C12orf56: variants seen among roughly 807,000 people sequenced by gnomAD.
C12orf56 encodes the protein uncharacterized protein C12orf56.
C12orf56 carries 71 observed loss-of-function variants against 69.9 expected under a neutral mutation model. The ratio of observed to expected loss-of-function variants is 1.02; its 90% CI spans 0.84 to 1.24. The LOEUF (loss-of-function observed/expected upper bound fraction) is 1.24, where lower values mean the gene tolerates loss of function less well. C12orf56 is among the 50% of genes most tolerant of loss of function. C12orf56 has a pLI of 0.00. For missense variants in C12orf56, 732 were observed against 738.5 expected, an observed-to-expected ratio of 0.99 and a Z score of 0.10; for synonymous variants, 276 against 274.1, an observed-to-expected ratio of 1.01 and a Z score of -0.07.
At chr12:64,340,876 T>C (rs1592468691) in intron 2 of C12orf56, among the ~76,000 whole-genome samples, 1 of 152,310 alleles carries the variant, frequency 6.6e-6, no homozygotes, top group East Asian at 1.9e-4. Context: ...CCTTCATTCA[T>C]GAAGGGTCTG....
chr12:64,275,016 T>C, intron 10 of C12orf56, 41 bp from the exon 11 acceptor site: 2 of 1,497,094 alleles, frequency 1.3e-6, no homozygotes, highest in Non-Finnish European at 1.9e-6. Flanking sequence ...ATTCATAAAG[T>C]TCAAGTAGTA....
chr12:64,281,650 G>C (rs2038130640), intron 8 of C12orf56, among the ~76,000 whole-genome samples: 1 of 152,170 alleles, frequency 6.6e-6, no homozygotes, highest in South Asian at 2.1e-4. Flanking sequence ...TGGGGCACAT[G>C]ATTTGACCCT....
At chr12:64,341,294 A>C (rs1399890306) in intron 2 of C12orf56, among the ~76,000 whole-genome samples, 1 of 152,128 alleles carries the variant, frequency 6.6e-6, no homozygotes. Context: ...GAGTGGTGCC[A>C]CTTCCGCTTC....
chr12:64,365,289 C>T (rs1167835798), intron 1 of C12orf56, among the ~76,000 whole-genome samples: 3 of 151,362 alleles, frequency 2.0e-5, no homozygotes, highest in African/African-American at 7.3e-5. Flanking sequence ...TTCAGCCTCC[C>T]GAGTAACTGG....
chr12:64,356,183 A>AC (rs1303648346), intron 1 of C12orf56, among the ~76,000 whole-genome samples: 46 of 151,128 alleles, frequency 3.0e-4, no homozygotes, highest in Middle Eastern at 3.4e-3. Context: ...AAAAAAAAAA[A>AC]AAAAAAAAAA....
In C12orf56 at chr12:64,318,838, TTGTTGGTGCAGAC is replaced by T; in HGVS notation, c.618_630del (p.Ser207LeufsTer26). Reference sequence around the variant, plus strand: ...GATGGCTCGCTGACAGCCTTGCCAGTTGTTGGTGCAGACTGAGAGCTCCTCCTGGAGGGGGAAG... The same window carrying T: ...GATGGCTCGCTGACAGCCTTGCCAGTTGAGAGCTCCTCCTGGAGGGGGAAG... On this transcript the variant is annotated frameshift_variant, in exon 4 of 13. Coordinates refer to ENST00000543942, the MANE Select transcript of C12orf56 (RefSeq NM_001170633.2). LOFTEE classifies it high-confidence loss of function. 6.5e-7 allele frequency: 1 copy of T among 1,537,216 alleles called. No homozygotes were observed. The highest frequency in any genetic ancestry group is 1.2e-5 in the South Asian group (1 of 84,058).
intron 1 of C12orf56, among the ~76,000 whole-genome samples, chr12:64,387,523 A>G (rs933071444): frequency 2.0e-5 from 3 of 152,236 alleles, no homozygotes; most frequent in African/African-American, 7.2e-5. Flanking sequence ...AAAAAAAACA[A>G]AACAAAAAAA....
intron 5 of C12orf56, among the ~76,000 whole-genome samples, chr12:64,304,654 A>G (rs960487692): frequency 2.6e-5 from 4 of 152,114 alleles, no homozygotes; most frequent in African/African-American, 9.7e-5. Flanking sequence ...CGGGTTAAAT[A>G]TTGTTTCCCC....
chr12:64,327,528 G>A (rs2038860430), intron 3 of C12orf56, among the ~76,000 whole-genome samples: 1 of 152,164 alleles, frequency 6.6e-6, no homozygotes, highest in South Asian at 2.1e-4. Flanking sequence ...ACAATAAATG[G>A]GGAGCATTAT....
At chr12:64,375,659 A>G (rs1376136980) in intron 1 of C12orf56, among the ~76,000 whole-genome samples, 1 of 152,196 alleles carries the variant, frequency 6.6e-6, no homozygotes, top group Non-Finnish European at 1.5e-5. Context: ...AACTACACAA[A>G]AAGTTTTGGA....
At chr12:64,384,482 A>G (rs1052698834) in intron 1 of C12orf56, among the ~76,000 whole-genome samples, 3 of 152,228 alleles carry the variant, frequency 2.0e-5, no homozygotes, top group South Asian at 2.1e-4. Flanking sequence ...GTGATTAAAA[A>G]TGTGATTATT....
intron 1 of C12orf56, among the ~76,000 whole-genome samples, chr12:64,356,503 G>A (rs1268341895): frequency 6.6e-6 from 1 of 152,192 alleles, no homozygotes; most frequent in African/African-American, 2.4e-5. Context: ...TCATTCCCCT[G>A]TTGGCTAGGG....
chr12:64,303,893 A>G (rs1279263491), intron 5 of C12orf56, 114 bp from the exon 6 acceptor site: 1 of 1,225,364 alleles, frequency 8.2e-7, no homozygotes, highest in Non-Finnish European at 1.1e-6. Flanking sequence ...GGATTTTAAT[A>G]TAGTTTTATT....
In C12orf56 at chr12:64,353,180, C is replaced by T. The variant is rs149658991; in HGVS notation, c.253-124G>A. The T allele has an allele frequency of 7.9e-3, 7,159 of 901,028 alleles. 43 individuals are homozygous for T. The highest frequency in any genetic ancestry group is 9.0e-3 in the Non-Finnish European group (5,460 of 606,016). The allele number at this position is 901,028 out of a possible 1,614,324, so 55.8% of individuals were successfully genotyped here. On this transcript the variant is annotated intron_variant, in intron 1 of 12. Coordinates refer to ENST00000543942, the MANE Select transcript of C12orf56 (RefSeq NM_001170633.2). ...CCACATATATATATATTTTTCAAAA[C>T]GGAGTCTCACCCTGACACCCAGGCT...
chr12:64,354,278 GA>G (rs1246800839), intron 1 of C12orf56, among the ~76,000 whole-genome samples: 2 of 152,174 alleles, frequency 1.3e-5, no homozygotes, highest in Non-Finnish European at 2.9e-5. Context: ...ACATTTGATT[GA>G]AAAGCTAAGA....
chr12:64,335,965 A>G (rs6581543), intron 2 of C12orf56, among the ~76,000 whole-genome samples: 63,757 of 151,944 alleles, frequency 0.42, 13,531 homozygotes, highest in African/African-American at 0.48. Flanking sequence ...GCTGCTCTAC[A>G]CATGACATCA....
At chr12:64,295,461 G>A (rs1448914192) in intron 6 of C12orf56, among the ~76,000 whole-genome samples, 2 of 152,048 alleles carry the variant, frequency 1.3e-5, no homozygotes, top group Non-Finnish European at 2.9e-5. Flanking sequence ...GACCAGCCTG[G>A]GCAACATGGT....
At chr12:64,307,726 G>A (rs2038534711) in intron 5 of C12orf56, among the ~76,000 whole-genome samples, 1 of 152,130 alleles carries the variant, frequency 6.6e-6, no homozygotes, top group South Asian at 2.1e-4. Context: ...TTACAGCTGG[G>A]CGTGGTGGCC....
intron 2 of C12orf56, among the ~76,000 whole-genome samples, chr12:64,345,055 A>G (rs1156468610): frequency 6.6e-6 from 1 of 152,058 alleles, no homozygotes; most frequent in Non-Finnish European, 1.5e-5. Context: ...CTTAATATCC[A>G]TTCCCATGTC....
Sources: allele counts gnomAD v4.1 joint callset (sites outside exome capture counted in the v4.1 genomes callset), GRCh38; gene constraint gnomAD v4.1.1; transcripts MANE v1.5; gene names NCBI Gene and HGNC (gene_info 2026-07-23, HGNC 2026-07-21).